The following PTPN22 variants were observed in gnomAD, a reference collection of about 807,000 sequenced individuals.
The protein encoded by PTPN22 is protein tyrosine phosphatase non-receptor type 22.
Under a neutral mutation model 103.3 loss-of-function variants are expected in PTPN22, and 85 were observed. The ratio of observed to expected loss-of-function variants is 0.82; its 90% CI spans 0.69 to 0.99. PTPN22 has a LOEUF of 0.99. PTPN22 is among the 50% of genes least tolerant of loss of function. The pLI is 0.00. For missense variants in PTPN22, 865 were observed against 936.9 expected, an observed-to-expected ratio of 0.92 and a Z score of 1.00; for synonymous variants, 323 against 310.2, an observed-to-expected ratio of 1.04 and a Z score of -0.43.
chr1:113,865,954 C>A (rs1252284138), intron 1 of PTPN22, among the ~76,000 whole-genome samples: 1 of 152,098 alleles, frequency 6.6e-6, no homozygotes, highest in Non-Finnish European at 1.5e-5. Flanking sequence ...AAATTCAAAC[C>A]AAGATTTATA....
At chr1:113,844,788 CCTTT>C (rs1663904310) in intron 11 of PTPN22, among the ~76,000 whole-genome samples, 2 of 152,182 alleles carry the variant, frequency 1.3e-5, no homozygotes, top group South Asian at 4.1e-4. Flanking sequence ...TTTTCCGTTA[CCTTT>C]CTGTTACTGA....
At chr1:113,842,656 G>T (rs1243987995) in intron 11 of PTPN22, among the ~76,000 whole-genome samples, 1 of 151,820 alleles carries the variant, frequency 6.6e-6, no homozygotes, top group Non-Finnish European at 1.5e-5. Flanking sequence ...CCTGGCAACA[G>T]AGCGAGACTG....
intron 13 of PTPN22, among the ~76,000 whole-genome samples, chr1:113,836,218 T>C (rs1447631008): frequency 6.6e-6 from 1 of 152,226 alleles, no homozygotes; most frequent in Non-Finnish European, 1.5e-5. Flanking sequence ...AATTATTTGA[T>C]GATATACCTA....
chr1:113,871,432 A>G (rs1010006212), intron 1 of PTPN22, 105 bp downstream of exon 1: 2 of 876,256 alleles, frequency 2.3e-6, no homozygotes, highest in African/African-American at 1.7e-5. Context: ...CCAAGGTCTC[A>G]TATTTACTTT....
At chr1:113,866,729 C>T (rs1666152925) in intron 1 of PTPN22, among the ~76,000 whole-genome samples, 1 of 151,922 alleles carries the variant, frequency 6.6e-6, no homozygotes, top group Non-Finnish European at 1.5e-5. Flanking sequence ...ACTAGAAGAT[C>T]CACAAAAAAA....
chr1:113,834,286 A>G lies in PTPN22; in HGVS notation c.2025+23T>C, dbSNP rs200703863. On this transcript the variant is annotated intron_variant, in intron 15 of 20. Transcript: ENST00000359785. ...TGTAGTCTATTGAATCTAAATGAGT[A>G]GAGTCATTAAAAAATTATTGACCTT... 5.4e-5 allele frequency: 87 copies of G among 1,608,744 alleles called. No homozygotes were observed. In the African/African-American group the frequency reaches 1.1e-3, roughly 20 times the overall value.
At chr1:113,848,128 G>A (rs999988015) in intron 11 of PTPN22, among the ~76,000 whole-genome samples, 14 of 151,814 alleles carry the variant, frequency 9.2e-5, no homozygotes, top group South Asian at 4.2e-4. Context: ...AGCTCACTGC[G>A]ACCTCCACCT....
At position 113,832,038 on chromosome 1, in the gene PTPN22, A is replaced by G. The variant is rs368356236; in HGVS notation, c.2053+1073T>C. Among the ~76,000 whole-genome samples, 8 of 136,408 alleles carry G rather than the reference A, an allele frequency of 5.9e-5. No individual in the cohort carries two copies. In the East Asian group the frequency reaches 9.9e-4, roughly 17 times the overall value. The allele number at this position is 136,408 out of a possible 152,430, so 89.5% of individuals were successfully genotyped here. ...ATTATTGTATTTAATCCTCATAAAA[A>G]TTATCTAAGGGATTCTATTCTTTTA... On this transcript the variant is annotated intron_variant, in intron 16 of 20. Transcript: ENST00000359785.
chr1:113,847,076 G>A (rs1369731005), intron 11 of PTPN22, among the ~76,000 whole-genome samples: 1 of 130,090 alleles, frequency 7.7e-6, no homozygotes, highest in Non-Finnish European at 1.6e-5. Flanking sequence ...CTGTTGCTCA[G>A]ACTGGGCAAT....
intron 19 of PTPN22, among the ~76,000 whole-genome samples, chr1:113,821,048 T>C (rs116785549): frequency 0.025 from 3,770 of 151,708 alleles, 69 homozygotes; most frequent in Non-Finnish European, 0.039. Flanking sequence ...ATTTAAATAC[T>C]TACTATGTGC....
chr1:113,837,915 T>C lies in PTPN22; in HGVS notation c.1485A>G (p.Ala495=), dbSNP rs748781553. The change falls in exon 13 of 21, where the codon GCA becomes GCG. Residue 495 remains alanine (A), a synonymous_variant. Transcript: ENST00000359785. ...CATATGGCAGTGAATAATTCAGTTC[T>C]GCTGAAGAAACATGCATTACTTTTT... 5.0e-6 allele frequency: 8 copies of C among 1,614,060 alleles called. No individual in the cohort carries two copies. The East Asian group carries it at 1.8e-4, about 36-fold the overall frequency.
chr1:113,838,541 C>G lies in PTPN22; in HGVS notation c.992+3G>C, dbSNP rs993777167. On this transcript the variant is annotated splice_donor_region_variant and intron_variant, in intron 12 of 20. Transcript: ENST00000359785. ...ACATTTAGATATATAAAATTGTACT[C>G]ACCTTTTTGGTAAATTAGGAGAATA... is the stretch of plus-strand genomic sequence containing the variant. 4 of 1,612,144 alleles carry G rather than the reference C, an allele frequency of 2.5e-6. No homozygotes were observed. Among genetic ancestry groups the G allele is most frequent in the Non-Finnish European group, 3.4e-6 (4 of 1,179,592 alleles).
exon 17 of PTPN22, chr1:113,830,010 A>C (rs1451265615): frequency 3.1e-6 from 5 of 1,604,488 alleles, no homozygotes; most frequent in Non-Finnish European, 3.4e-6. Flanking sequence ...GTGGGGGAGA[A>C]GAACGATCTT....
chr1:113,854,946 T>A (rs1432595698), exon 8 of PTPN22: 1 of 1,612,842 alleles, frequency 6.2e-7, no homozygotes, highest in African/African-American at 1.3e-5. Context: ...ATCCTCTTGG[T>A]AACAACGTAC....
exon 13 of PTPN22, chr1:113,837,930 C>A: frequency 6.2e-7 from 1 of 1,614,062 alleles, no homozygotes; most frequent in Non-Finnish European, 8.5e-7. Flanking sequence ...AAGAAACATG[C>A]ATTACTTTTT....
At chr1:113,851,639 ACAAATC>A (rs1664581422) in intron 10 of PTPN22, among the ~76,000 whole-genome samples, 2 of 152,214 alleles carry the variant, frequency 1.3e-5, no homozygotes, top group Admixed American at 1.3e-4. Flanking sequence ...GGTAGAAATT[ACAAATC>A]CCTGATTTTC....
At chr1:113,864,036 T>C (rs910942941) in intron 1 of PTPN22, among the ~76,000 whole-genome samples, 1 of 151,084 alleles carries the variant, frequency 6.6e-6, no homozygotes, top group Non-Finnish European at 1.5e-5. Context: ...GAGGCTGAGA[T>C]AGGAGAGTCA....
intron 1 of PTPN22, among the ~76,000 whole-genome samples, chr1:113,867,657 C>T (rs1666227800): frequency 6.6e-6 from 1 of 152,164 alleles, no homozygotes; most frequent in Non-Finnish European, 1.5e-5. Context: ...TTCCTAGCAT[C>T]TAGGGCATTA....
chr1:113,850,246 AAGG>A, intron 10 of PTPN22, among the ~76,000 whole-genome samples: 1 of 149,514 alleles, frequency 6.7e-6, no homozygotes, highest in African/African-American at 2.5e-5. Flanking sequence ...GGAAGGAAGG[AAGG>A]AAGGAAGGAA....
Sources: gnomAD v4.1 joint callset for allele counts (sites outside exome capture counted in the v4.1 genomes callset) on GRCh38, gnomAD v4.1.1 for gene constraint, MANE v1.5 for transcripts, NCBI Gene and HGNC (gene_info 2026-07-23, HGNC 2026-07-21) for gene names.